MTBP: variants seen among roughly 807,000 people sequenced by gnomAD.
MTBP encodes mdm2-binding protein.
A neutral mutation model predicts 117.0 loss-of-function variants in MTBP; 101 were observed. The observed-to-expected ratio is 0.86, with a 90% CI of 0.73 to 1.02. MTBP has a LOEUF of 1.02. Ranked by LOEUF, MTBP falls within the 50% of genes least tolerant of loss-of-function variation. The pLI, the probability that MTBP is intolerant of heterozygous loss-of-function variation, is 0.00. For synonymous variants in MTBP, 350 were observed against 351.5 expected (o/e 1.00, Z 0.05); for missense variants, 970 against 1,030.9 (o/e 0.94, Z 0.81).
At chr8:120,520,931 T>C (rs1814999577) in intron 20 of MTBP, among the ~76,000 whole-genome samples, 1 of 152,128 alleles carries the variant, frequency 6.6e-6, no homozygotes. Context: ...GAATTTATTT[T>C]ACCCTTTTGA....
chr8:120,523,372 G>A lies in MTBP; in HGVS notation c.*36G>A, dbSNP rs896894451. 7.4e-7 allele frequency: 1 copy of A among 1,345,650 alleles called. No individual in the cohort carries two copies. Among genetic ancestry groups the A allele is most frequent in the African/African-American group, 1.5e-5 (1 of 67,606 alleles). 83.4% of individuals were successfully genotyped at this position (1,345,650 alleles called of 1,614,324 possible). A position where few individuals can be genotyped will look rare whatever the true frequency, so the allele number is the denominator to read the frequency against. On this transcript the variant is annotated 3_prime_UTR_variant, in exon 22 of 22. Transcript: ENST00000305949. ...TTCTCTTTAAGACAATTATAAATTGGATGGAGCTATTATTCACTACTTCTT... is the reference window on the plus strand; with the variant it reads ...TTCTCTTTAAGACAATTATAAATTGAATGGAGCTATTATTCACTACTTCTT...
At chr8:120,513,792 C>T (rs12546382) in intron 17 of MTBP, among the ~76,000 whole-genome samples, 83,367 of 151,698 alleles carry the variant, frequency 0.55, 25,318 homozygotes, top group Non-Finnish European at 0.67. Flanking sequence ...TTCACATTTC[C>T]AATTTTACTC....
intron 1 of MTBP, 40 bp downstream of exon 1, chr8:120,445,628 AG>A: frequency 6.6e-7 from 1 of 1,506,828 alleles, no homozygotes; most frequent in Non-Finnish European, 9.1e-7. Context: ...CGGCTTGTGG[AG>A]AGGGGAAGAA....
chr8:120,492,519 G>C (rs1409200354), intron 13 of MTBP, among the ~76,000 whole-genome samples: 1 of 152,058 alleles, frequency 6.6e-6, no homozygotes, highest in East Asian at 1.9e-4. Flanking sequence ...AAAAATAGTG[G>C]TTCAATATCC....
intron 17 of MTBP, among the ~76,000 whole-genome samples, chr8:120,515,177 T>C (rs943873074): frequency 2.6e-5 from 4 of 152,068 alleles, no homozygotes; most frequent in African/African-American, 7.2e-5. Context: ...TACCATCACA[T>C]ATGTGAAGCC....
rs1815035211 is a variant in MTBP at position 120,523,281 on chromosome 8, A to AT, written c.2677-11dup. The AT allele has an allele frequency of 2.0e-6, 3 of 1,515,582 alleles. No individual in the cohort carries two copies. The highest frequency in any genetic ancestry group is 2.7e-6 in the Non-Finnish European group (3 of 1,115,452). 93.9% of individuals were successfully genotyped at this position (1,515,582 alleles called of 1,614,324 possible). On this transcript the variant is annotated splice_polypyrimidine_tract_variant and intron_variant, in intron 21 of 21. Transcript: ENST00000305949. ...TTCAAGAGAAATCTTCTGTAATCATATTTTTTCTCCCCCTAGGTGATTGAC... is the reference window on the plus strand; with the variant it reads ...TTCAAGAGAAATCTTCTGTAATCATATTTTTTTCTCCCCCTAGGTGATTGAC...
chr8:120,445,495 A>T lies in MTBP; in HGVS notation c.25A>T (p.Ile9Phe). The T allele has an allele frequency of 6.2e-7, 1 of 1,613,320 alleles. No homozygotes were observed. Among genetic ancestry groups the T allele is most frequent in the Non-Finnish European group, 8.5e-7 (1 of 1,179,712 alleles). The change falls in exon 1 of 22, where the codon ATC (isoleucine) becomes TTC (phenylalanine). Residue 9 changes from isoleucine to phenylalanine, a missense_variant. Ile to Phe is a conservative substitution (Grantham distance 21, BLOSUM62 0). Transcript: ENST00000305949. MDRYLLLVIWGEGKFPSAA... is the reference protein window; with the variant it reads MDRYLLLVFWGEGKFPSAA... ...GATGGATCGGTACCTGCTGCTGGTG[A>T]TCTGGGGGGAAGGAAAATTCCCGTC...
chr8:120,471,008 G>GATA lies in MTBP; in HGVS notation c.1165+73_1165+75dup, dbSNP rs374132579. 629 of 1,032,208 alleles carry GATA rather than the reference G, an allele frequency of 6.1e-4. 3 individuals carry two copies. In the African/African-American group the frequency reaches 9.1e-3, roughly 15 times the overall value. 63.9% of individuals were successfully genotyped at this position (1,032,208 alleles called of 1,614,324 possible). A position where few individuals can be genotyped will look rare whatever the true frequency, so the allele number is the denominator to read the frequency against. ...ATGTATGTATCAAATTTGAAGTGAA[G>GATA]ATAACATTTCTATATGAGAAAACAG... On this transcript the variant is annotated intron_variant, in intron 11 of 21. Coordinates refer to ENST00000305949, the MANE Select transcript of MTBP (RefSeq NM_022045.5).
intron 11 of MTBP, among the ~76,000 whole-genome samples, chr8:120,478,880 C>T (rs1814006906): frequency 6.6e-6 from 1 of 152,010 alleles, no homozygotes; most frequent in East Asian, 1.9e-4. Context: ...AAAAAATGAT[C>T]CATAAACACC....
At chr8:120,445,951 G>A (rs1411964418) in intron 1 of MTBP, among the ~76,000 whole-genome samples, 1 of 152,290 alleles carries the variant, frequency 6.6e-6, no homozygotes, top group Admixed American at 6.5e-5. Context: ...CAAAGATCTT[G>A]CTGTCCTACA....
chr8:120,468,080 A>AAGG (rs1813736503), intron 10 of MTBP, among the ~76,000 whole-genome samples: 1 of 151,974 alleles, frequency 6.6e-6, no homozygotes, highest in South Asian at 2.1e-4. Flanking sequence ...TGTATGCAAG[A>AAGG]AAGAACTAGG....
At chr8:120,512,277 T>C (rs10095915) in intron 17 of MTBP, among the ~76,000 whole-genome samples, 81,180 of 151,908 alleles carry the variant, frequency 0.53, 24,749 homozygotes, top group Non-Finnish European at 0.67. Flanking sequence ...TTTTCTCTTC[T>C]TCAGCCCTAT....
At chr8:120,482,991 A>C (rs1340223120) in intron 11 of MTBP, among the ~76,000 whole-genome samples, 60 of 147,482 alleles carry the variant, frequency 4.1e-4, no homozygotes, top group African/African-American at 1.4e-3. Flanking sequence ...GAGCCACCGC[A>C]CCCGGACAGT....
At chr8:120,471,015 T>G in intron 11 of MTBP, 78 bp downstream of exon 11, 2 of 967,938 alleles carry the variant, frequency 2.1e-6, no homozygotes, top group Non-Finnish European at 3.1e-6. Flanking sequence ...GAAGATAACA[T>G]TTCTATATGA....
At chr8:120,522,556 G>A in intron 20 of MTBP, 98 bp from the exon 21 acceptor site, 1 of 806,392 alleles carries the variant, frequency 1.2e-6, no homozygotes, top group Non-Finnish European at 2.0e-6. Flanking sequence ...AATACGTGTA[G>A]AATGATTTAG....
At chr8:120,503,977 G>A (rs551101095) in intron 15 of MTBP, among the ~76,000 whole-genome samples, 18 of 152,114 alleles carry the variant, frequency 1.2e-4, no homozygotes, top group Non-Finnish European at 8.8e-5. Context: ...AAAAAGTCAA[G>A]AATTCTTCTT....
At chr8:120,489,379 C>A (rs1814294355) in intron 12 of MTBP, among the ~76,000 whole-genome samples, 1 of 152,132 alleles carries the variant, frequency 6.6e-6, no homozygotes, top group Non-Finnish European at 1.5e-5. Context: ...AGCAATTGTT[C>A]TGTGAAGCTA....
chr8:120,511,584 C>T (rs1011915706), intron 17 of MTBP, among the ~76,000 whole-genome samples: 9 of 152,116 alleles, frequency 5.9e-5, no homozygotes, highest in East Asian at 1.9e-4. Flanking sequence ...CATGAGCCAC[C>T]GCACCCACCC....
chr8:120,498,998 T>G (rs745946045), intron 14 of MTBP, among the ~76,000 whole-genome samples: 1 of 152,174 alleles, frequency 6.6e-6, no homozygotes, highest in Non-Finnish European at 1.5e-5. Flanking sequence ...GAGCTCATCT[T>G]AAAATCAAAA....
Sources: gnomAD v4.1 joint callset for allele counts (sites outside exome capture counted in the v4.1 genomes callset) on GRCh38, gnomAD v4.1.1 for gene constraint, MANE v1.5 for transcripts, NCBI Gene and HGNC (gene_info 2026-07-23, HGNC 2026-07-21) for gene names.